Variants in GNPTG observed in about 807,000 individuals in gnomAD.
GNPTG encodes N-acetylglucosamine-1-phosphate transferase subunit gamma, also known as N-acetylglucosamine-1-phosphotransferase subunit gamma.
Under a neutral mutation model 43.8 loss-of-function variants are expected in GNPTG, and 46 were observed. The observed-to-expected ratio is 1.05, with a 90% CI of 0.83 to 1.34. The LOEUF (loss-of-function observed/expected upper bound fraction) is 1.34. Among genes scored for constraint, GNPTG ranks in the 40% most tolerant of loss-of-function variants. The probability of loss-of-function intolerance (pLI) is 0.00; values close to 1 mark genes in which losing one functional copy is unlikely to be tolerated. For missense variants in GNPTG, 549 were observed against 411.3 expected, an observed-to-expected ratio of 1.33 and a Z score of -2.90; for synonymous variants, 250 against 172.8, an observed-to-expected ratio of 1.45 and a Z score of -3.50.
Position 1,362,442 on chromosome 16 carries a change from G to A in GNPTG, c.527-10G>A, listed in dbSNP as rs1336176104. The A allele has an allele frequency of 2.5e-6, 4 of 1,613,690 alleles. No homozygotes were observed. In the South Asian group the frequency reaches 4.4e-5, roughly 18 times the overall value. ...GGTGCAGCTGAGCCTGGCTTCTCTT[G>A]GGTCCTCAGTGTACCCAACCCTGCC... On this transcript the variant is annotated splice_polypyrimidine_tract_variant and intron_variant, in intron 7 of 10. Transcript: ENST00000204679.
At position 1,359,548 on chromosome 16, in the gene GNPTG, G is replaced by A. The variant is rs555771480; in HGVS notation, c.179-2195G>A. On this transcript the variant is annotated intron_variant, in intron 3 of 10. Transcript: ENST00000204679. The stretch of plus-strand genomic sequence containing the variant: ...CTCCCAAAGCACTGGGATTACAGGC[G>A]TGAGACCCTGCGCCCGGCCTCTATG... 4.1e-4 allele frequency among the ~76,000 whole-genome samples: 62 copies of A among 152,296 alleles called. 1 individual carries two copies. In the East Asian group the frequency reaches 6.0e-3, roughly 15 times the overall value.
Position 1,351,945 on chromosome 16 carries a change from C to CGCGGCGGCCGCT in GNPTG, c.-14_-3dup. ...ACGTGACCGTCACTTCACGTGACCG[C>CGCGGCGGCCGCT]GCGGCGGCCGCTGCGGCGCGATGGC... is the stretch of plus-strand genomic sequence containing the variant. On this transcript the variant is annotated 5_prime_UTR_variant, in exon 1 of 11. Transcript: ENST00000204679. The CGCGGCGGCCGCT allele has an allele frequency of 7.8e-7, 1 of 1,279,054 alleles. No homozygotes were observed. Among genetic ancestry groups the CGCGGCGGCCGCT allele is most frequent in the Non-Finnish European group, 9.8e-7 (1 of 1,019,578 alleles). The allele number at this position is 1,279,054 out of a possible 1,614,324, so 79.2% of individuals were successfully genotyped here. A position where few individuals can be genotyped will look rare whatever the true frequency, so the allele number is the denominator to read the frequency against.
At chr16:1,361,383 A>G (rs1253357455) in intron 3 of GNPTG, 8 of 304,260 alleles carry the variant, frequency 2.6e-5, no homozygotes, top group South Asian at 6.3e-5. Flanking sequence ...GGTGGCTCAA[A>G]CCTGTAATCC....
intron 3 of GNPTG, among the ~76,000 whole-genome samples, chr16:1,356,151 C>T (rs1261266510): frequency 3.9e-5 from 6 of 152,060 alleles, no homozygotes; most frequent in Middle Eastern, 3.2e-3. Context: ...GAAGCCTGAC[C>T]GGGGCAGAGG....
intron 5 of GNPTG, 32 bp from the exon 6 acceptor site, chr16:1,362,006 C>G: frequency 6.2e-7 from 1 of 1,612,894 alleles, no homozygotes; most frequent in Non-Finnish European, 8.5e-7. Context: ...GCTCCCCACC[C>G]GGCCTCACGT....
intron 3 of GNPTG, among the ~76,000 whole-genome samples, chr16:1,355,974 G>C (rs1368286292): frequency 6.6e-6 from 1 of 152,086 alleles, no homozygotes; most frequent in Non-Finnish European, 1.5e-5. Flanking sequence ...CGGAGGGTGA[G>C]GGTGAGGTCC....
At position 1,354,585 on chromosome 16, in the gene GNPTG, C is replaced by CAAAAAAAAAAAAAAAAA. The variant is rs869067502; in HGVS notation, c.178+2287_178+2303dup. ...TGGGTGACAGAGCAAGACTTCGTCT[C>CAAAAAAAAAAAAAAAAA]AAAAAAAAAAAAAAAAAAAAAAAAC... On this transcript the variant is annotated intron_variant, in intron 3 of 10. Transcript: ENST00000204679. 1.9e-3 allele frequency among the ~76,000 whole-genome samples: 86 copies of CAAAAAAAAAAAAAAAAA among 44,350 alleles called. 1 individual carries two copies. Among genetic ancestry groups the CAAAAAAAAAAAAAAAAA allele is most frequent in the East Asian group, 4.8e-3 (3 of 624 alleles). 29.1% of individuals were successfully genotyped at this position (44,350 alleles called of 152,430 possible). A position where few individuals can be genotyped will look rare whatever the true frequency, so the allele number is the denominator to read the frequency against.
rs1216474551 is a variant in GNPTG at position 1,363,595 on chromosome 16, A to C, written c.*504A>C. 3 of 213,510 alleles carry C rather than the reference A, an allele frequency of 1.4e-5. No individual in the cohort carries two copies. The highest frequency in any genetic ancestry group is 2.9e-5 in the Non-Finnish European group (3 of 104,106). 13.2% of individuals were successfully genotyped at this position (213,510 alleles called of 1,614,324 possible). Reference sequence around the variant, plus strand: ...CCAGCTCCTACGCCCCGTGCCCGCCATGGCCACAGGGGGGAGCTGCTGGGC... The same window carrying C: ...CCAGCTCCTACGCCCCGTGCCCGCCCTGGCCACAGGGGGGAGCTGCTGGGC... On this transcript the variant is annotated 3_prime_UTR_variant, in exon 11 of 11. Transcript: ENST00000204679.
intron 3 of GNPTG, among the ~76,000 whole-genome samples, chr16:1,359,788 T>C (rs570222610): frequency 2.0e-5 from 3 of 152,132 alleles, no homozygotes; most frequent in Middle Eastern, 3.2e-3. Context: ...TGCAGATCAC[T>C]CTGGGTGGTA....
At chr16:1,362,576 G>T in intron 8 of GNPTG, 35 bp from the exon 9 acceptor site, 1 of 1,614,178 alleles carries the variant, frequency 6.2e-7, no homozygotes, top group Non-Finnish European at 8.5e-7. Flanking sequence ...GCCTGGCTGG[G>T]AGCTGGGTGC....
intron 3 of GNPTG, among the ~76,000 whole-genome samples, chr16:1,359,383 C>T (rs1185582415): frequency 6.6e-6 from 1 of 152,214 alleles, no homozygotes; most frequent in Non-Finnish European, 1.5e-5. Context: ...ATTCTCCTGC[C>T]TCAGCCTCCC....
At chr16:1,357,087 C>T (rs1394239923) in intron 3 of GNPTG, among the ~76,000 whole-genome samples, 1 of 152,178 alleles carries the variant, frequency 6.6e-6, no homozygotes, top group Non-Finnish European at 1.5e-5. Context: ...GCCCAAGCAC[C>T]CCAGGCTGTG....
intron 7 of GNPTG, 53 bp downstream of exon 7, chr16:1,362,373 C>G (rs2034913388): frequency 6.2e-7 from 1 of 1,609,410 alleles, no homozygotes; most frequent in African/African-American, 1.3e-5. Flanking sequence ...GCACGCAGCC[C>G]TGCTGGAGGC....
intron 3 of GNPTG, among the ~76,000 whole-genome samples, chr16:1,360,357 G>A (rs889562410): frequency 2.6e-5 from 4 of 152,180 alleles, no homozygotes; most frequent in Non-Finnish European, 2.9e-5. Flanking sequence ...GGGCATAGTG[G>A]CTCACACCTG....
At position 1,362,713 on chromosome 16, in the gene GNPTG, G is replaced by C. The variant is rs762827756; in HGVS notation, c.712G>C (p.Gly238Arg). 31 of 1,613,966 alleles carry C rather than the reference G, an allele frequency of 1.9e-5. No homozygotes were observed. The highest frequency in any genetic ancestry group is 2.5e-5 in the Non-Finnish European group (30 of 1,180,044). Residue 238 changes from glycine to arginine, a missense_variant, in exon 9 of 11, where the codon GGG becomes CGG. Physicochemically the swap from Gly to Arg is moderately radical, Grantham distance 125. Transcript: ENST00000204679. ...GCTGGAGGGAGGTCCTGACAGCTTG[G>C]GGTTTGAGACCCTGGAAAACTGCAG... ...TQLEGGPDSLGFETLENCRKA... is the reference protein window; with the variant it reads ...TQLEGGPDSLRFETLENCRKA...
chr16:1,353,092 C>T (rs749247445), intron 3 of GNPTG, among the ~76,000 whole-genome samples: 3 of 151,714 alleles, frequency 2.0e-5, no homozygotes, highest in Non-Finnish European at 4.4e-5. Context: ...GCCTCAGCCT[C>T]CCGAGTAGCT....
Position 1,361,630 on chromosome 16 carries a change from T to A in GNPTG, c.179-113T>A. ...CTGCACTCCAGCCTGGGTGACAGAG[T>A]GAGACTCCATCTCAAAAAAAAAGAA... On this transcript the variant is annotated intron_variant, in intron 3 of 10. Coordinates refer to ENST00000204679, the MANE Select transcript of GNPTG (RefSeq NM_032520.5). 6.5e-6 allele frequency: 7 copies of A among 1,070,520 alleles called. No individual in the cohort carries two copies. In the South Asian group the frequency reaches 9.4e-5, roughly 14 times the overall value. The allele number at this position is 1,070,520 out of a possible 1,614,324, so 66.3% of individuals were successfully genotyped here. A position where few individuals can be genotyped will look rare whatever the true frequency, so the allele number is the denominator to read the frequency against.
intron 7 of GNPTG, 34 bp downstream of exon 7, chr16:1,362,354 G>T: frequency 6.2e-7 from 1 of 1,607,982 alleles, no homozygotes; most frequent in Non-Finnish European, 8.5e-7. Flanking sequence ...GCCCAGTGGG[G>T]TCAGCCGCGC....
At position 1,352,016 on chromosome 16, in the gene GNPTG, C is replaced by T. The variant is rs2034692696; in HGVS notation, c.51C>T (p.Gly17=). The part of the protein sequence containing the change: ...RLLLLLGLSA[G]GPAPAGAAKM... The stretch of plus-strand genomic sequence containing the variant: ...TGTTGCTCCTCGGGCTCTCGGCCGG[C>T]GGTGAGTGGCCCGGCCGTCCGCGTC... Residue 17 remains glycine (G), a splice_region_variant and synonymous_variant, in exon 1 of 11, where the codon GGC becomes GGT. Coordinates refer to ENST00000204679, the MANE Select transcript of GNPTG (RefSeq NM_032520.5). 6.8e-7 allele frequency: 1 copy of T among 1,471,098 alleles called. No individual in the cohort carries two copies. The highest frequency in any genetic ancestry group is 9.0e-7 in the Non-Finnish European group (1 of 1,116,526). 91.1% of individuals were successfully genotyped at this position (1,471,098 alleles called of 1,614,324 possible).
Sources: gnomAD v4.1 joint callset for allele counts (sites outside exome capture counted in the v4.1 genomes callset) on GRCh38, gnomAD v4.1.1 for gene constraint, MANE v1.5 for transcripts, NCBI Gene and HGNC (gene_info 2026-07-23, HGNC 2026-07-21) for gene names.